Variants in YWHAE observed in about 807,000 individuals in gnomAD.
YWHAE encodes the protein 14-3-3 protein epsilon.
A neutral mutation model predicts 30.1 loss-of-function variants in YWHAE; 4 were observed. The observed-to-expected ratio is 0.13, with a 90% CI of 0.07 to 0.30. The LOEUF is 0.30. Ranked by LOEUF, YWHAE falls within the 10% of genes least tolerant of loss-of-function variation. The probability of loss-of-function intolerance (pLI) is 1.00; values close to 1 mark genes in which losing one functional copy is unlikely to be tolerated. For missense variants in YWHAE, 121 were observed against 315.9 expected (o/e 0.38, Z 4.68); for synonymous variants, 118 against 111.8 (o/e 1.06, Z -0.35).
intron 5 of YWHAE, chr17:1,347,848 C>A (rs1371433756): frequency 1.6e-5 from 9 of 572,414 alleles, no homozygotes; most frequent in African/African-American, 2.0e-5. Flanking sequence ...TAGGTCAGCG[C>A]CCTGGAAGGT....
chr17:1,384,709 G>C (rs1194850792), intron 1 of YWHAE, among the ~76,000 whole-genome samples: 1 of 151,498 alleles, frequency 6.6e-6, no homozygotes, highest in African/African-American at 2.4e-5. Context: ...TTAAAGGAGT[G>C]AGCCACTGCG....
chr17:1,393,432 G>C (rs147791821), intron 1 of YWHAE, among the ~76,000 whole-genome samples: 2 of 151,966 alleles, frequency 1.3e-5, no homozygotes, highest in South Asian at 2.1e-4. Context: ...GATAAACTAC[G>C]GGGCTTTTCT....
intron 1 of YWHAE, among the ~76,000 whole-genome samples, chr17:1,382,052 T>C (rs942819689): frequency 2.6e-5 from 4 of 152,008 alleles, no homozygotes; most frequent in Non-Finnish European, 5.9e-5. Context: ...AGTAGTTTTT[T>C]TGTTTGTTTG....
intron 4 of YWHAE, among the ~76,000 whole-genome samples, chr17:1,360,187 C>A (rs2072841759): frequency 6.6e-6 from 1 of 152,082 alleles, no homozygotes; most frequent in South Asian, 2.1e-4. Context: ...GTATCGAACT[C>A]CTGATCTCAG....
chr17:1,365,505 G>T (rs563378016), intron 1 of YWHAE, among the ~76,000 whole-genome samples: 1 of 152,096 alleles, frequency 6.6e-6, no homozygotes, highest in South Asian at 2.1e-4. Flanking sequence ...AAAAATATAC[G>T]GAGTATATGG....
intron 1 of YWHAE, among the ~76,000 whole-genome samples, chr17:1,374,519 T>G (rs2073095067): frequency 6.6e-6 from 1 of 152,160 alleles, no homozygotes; most frequent in Non-Finnish European, 1.5e-5. Context: ...CCCAAACTTT[T>G]CTACAGGAGC....
intron 1 of YWHAE, among the ~76,000 whole-genome samples, chr17:1,380,029 T>A (rs1567976827): frequency 6.6e-6 from 1 of 152,020 alleles, no homozygotes; most frequent in South Asian, 2.1e-4. Flanking sequence ...GACACACACT[T>A]TGGGAAACAG....
chr17:1,377,316 G>A (rs1305309661), intron 1 of YWHAE, among the ~76,000 whole-genome samples: 1 of 152,176 alleles, frequency 6.6e-6, no homozygotes, highest in Non-Finnish European at 1.5e-5. Context: ...TAACTTAAGA[G>A]TCTGAGCTTT....
chr17:1,372,567 A>G lies in YWHAE; in HGVS notation c.65-7509T>C, dbSNP rs143260988. ...GAGACTGGGACTCTTCCTTTCTCTT[A>G]AACACTTAGAAGCAATTGCAGGGTT... On this transcript the variant is annotated intron_variant, in intron 1 of 5. Transcript: ENST00000264335. 1.8e-4 allele frequency among the ~76,000 whole-genome samples: 28 copies of G among 152,272 alleles called. 2 individuals carry two copies. The East Asian group carries it at 5.4e-3, about 29-fold the overall frequency.
intron 3 of YWHAE, 157 bp downstream of exon 3, chr17:1,361,745 A>G (rs1418875037): frequency 5.4e-6 from 3 of 553,194 alleles, no homozygotes; most frequent in African/African-American, 1.9e-5. Context: ...ATACATTTTC[A>G]TAATAGCCCA....
At chr17:1,355,115 T>TAAAAAAACAAAAA (rs2072712838) in intron 4 of YWHAE, among the ~76,000 whole-genome samples, 1 of 72,366 alleles carries the variant, frequency 1.4e-5, no homozygotes, top group Non-Finnish European at 2.5e-5. Flanking sequence ...CCAAGATTTT[T>TAAAAAAACAAAAA]TAAAAAAAAA....
intron 1 of YWHAE, among the ~76,000 whole-genome samples, chr17:1,370,119 CTTTTTTTTTTTT>C (rs538497835): frequency 2.6e-5 from 2 of 76,318 alleles, no homozygotes; most frequent in Non-Finnish European, 4.8e-5. Flanking sequence ...CACAGAAAAA[CTTTTTTTTTTTT>C]TTTTTTTTTT....
chr17:1,372,646 C>CGGG (rs2073059342), intron 1 of YWHAE, among the ~76,000 whole-genome samples: 2 of 152,062 alleles, frequency 1.3e-5, no homozygotes, highest in South Asian at 4.1e-4. Flanking sequence ...GTAAGCCTAA[C>CGGG]GGGAGGGAGA....
intron 5 of YWHAE, among the ~76,000 whole-genome samples, chr17:1,350,091 TAC>T: frequency 1.3e-5 from 2 of 152,030 alleles, no homozygotes; most frequent in Middle Eastern, 6.8e-3. Context: ...TAGCTAGGAT[TAC>T]AGACATGTGA....
intron 1 of YWHAE, among the ~76,000 whole-genome samples, chr17:1,367,974 G>A (rs1369080720): frequency 1.3e-5 from 2 of 152,106 alleles, no homozygotes; most frequent in Non-Finnish European, 2.9e-5. Context: ...TGACATGTTG[G>A]GTGCTGTGGC....
intron 1 of YWHAE, among the ~76,000 whole-genome samples, chr17:1,379,548 C>G (rs2073174017): frequency 1.3e-5 from 2 of 152,164 alleles, no homozygotes; most frequent in Non-Finnish European, 2.9e-5. Context: ...ATCAACTACA[C>G]TAATTCTAAT....
chr17:1,361,845 T>C (rs908583556), intron 3 of YWHAE, 57 bp downstream of exon 3: 21 of 1,172,100 alleles, frequency 1.8e-5, no homozygotes, highest in African/African-American at 7.9e-5. Context: ...AACAAAGTTA[T>C]GGTTCTAAAA....
intron 1 of YWHAE, among the ~76,000 whole-genome samples, chr17:1,393,886 G>C (rs1045488468): frequency 1.3e-5 from 2 of 152,068 alleles, no homozygotes; most frequent in African/African-American, 4.8e-5. Flanking sequence ...CTTGAGATGG[G>C]ATTTTATCTC....
At chr17:1,374,241 A>C (rs571681267) in intron 1 of YWHAE, among the ~76,000 whole-genome samples, 3 of 151,364 alleles carry the variant, frequency 2.0e-5, no homozygotes, top group Admixed American at 1.3e-4. Flanking sequence ...CTGCTTGAAC[A>C]CGGGAGGCGG....
Sources: gnomAD v4.1 joint callset for allele counts (sites outside exome capture counted in the v4.1 genomes callset) on GRCh38, gnomAD v4.1.1 for gene constraint, MANE v1.5 for transcripts, NCBI Gene and HGNC (gene_info 2026-07-23, HGNC 2026-07-21) for gene names.